The following PLAGL1 variants were observed in gnomAD, a reference collection of about 807,000 sequenced individuals.
The protein encoded by PLAGL1 is zinc finger protein PLAGL1.
PLAGL1 carries 1 observed loss-of-function variant against 4.6 expected under a neutral mutation model. The observed-to-expected ratio is 0.22, with a 90% CI of 0.08 to 1.03. PLAGL1 has a LOEUF of 1.03. Among genes scored for constraint, PLAGL1 ranks in the 50% least tolerant of loss-of-function variants. The probability of loss-of-function intolerance (pLI) is 0.58; values close to 1 mark genes in which losing one functional copy is unlikely to be tolerated. For synonymous variants in PLAGL1, 240 were observed against 237.8 expected (o/e 1.01, Z -0.08); for missense variants, 464 against 570.4 (o/e 0.81, Z 1.90).
At chr6:143,977,455 T>C (rs566925130) in intron 2 of PLAGL1, among the ~76,000 whole-genome samples, 186 of 137,234 alleles carry the variant, frequency 1.4e-3, no homozygotes, top group African/African-American at 3.7e-3. Context: ...TTTTTATTTT[T>C]TTCTTCTTCT....
rs1053715429 is a variant in PLAGL1 at position 143,959,603 on chromosome 6, G to A, written c.-325+866C>T. On this transcript the variant is annotated intron_variant, in intron 6 of 7. Coordinates refer to ENST00000674357, the MANE Select transcript of PLAGL1 (RefSeq NM_001317162.2). The surrounding 1 kb of genome is among the most constrained non-coding windows in gnomAD (Gnocchi z 5.3). ...AAACTATTTCAGTTGAGCTCATAAAGCTCTCTCATGCTATTCCAATAATTT... is the reference window on the plus strand; with the variant it reads ...AAACTATTTCAGTTGAGCTCATAAAACTCTCTCATGCTATTCCAATAATTT... 6.6e-6 allele frequency among the ~76,000 whole-genome samples: 1 copy of A among 152,186 alleles called. No individual in the cohort carries two copies. The highest frequency in any genetic ancestry group is 1.9e-4 in the East Asian group (1 of 5,208).
chr6:144,012,797 T>C (rs148933900), upstream of PLAGL1, among the ~76,000 whole-genome samples: 160 of 152,200 alleles, frequency 1.1e-3, 1 homozygote, highest in African/African-American at 3.2e-3. This position sits in a 1 kb window ranked among gnomAD's most constrained non-coding sequence, Gnocchi z 4.8. Context: ...GGAGCAGGGG[T>C]TGCAAACTCA....
rs1780574102 is a variant in PLAGL1, at chr6:143,949,552, C to T, written c.-324-1092G>A. Among the ~76,000 whole-genome samples the T allele has an allele frequency of 1.3e-5, 2 of 152,234 alleles. No homozygotes were observed. Among genetic ancestry groups the T allele is most frequent in the Admixed American group, 6.5e-5 (1 of 15,288 alleles). ...GTTTCAAATCGGCCTCTACCTGCCA[C>T]TACCTGCCAGGGTAAAGCCCTGGAT... On this transcript the variant is annotated intron_variant, in intron 6 of 7. Transcript: ENST00000674357. This position sits in a 1 kb window ranked among gnomAD's most constrained non-coding sequence, Gnocchi z 5.3.
upstream of PLAGL1, among the ~76,000 whole-genome samples, chr6:144,012,263 G>A (rs1052650725): frequency 2.0e-5 from 3 of 152,108 alleles, no homozygotes; most frequent in Non-Finnish European, 2.9e-5. This position sits in a 1 kb window ranked among gnomAD's most constrained non-coding sequence, Gnocchi z 4.8. Flanking sequence ...CACCCAAGCT[G>A]GAGTACAGTG....
chr6:144,035,012 G>A (rs1797115537), intron 1 of PLAGL1, among the ~76,000 whole-genome samples: 1 of 152,172 alleles, frequency 6.6e-6, no homozygotes, highest in African/African-American at 2.4e-5. Context: ...GTTAATGATA[G>A]AATCTAGTGG....
chr6:144,028,889 A>C (rs1390600752), intron 1 of PLAGL1, among the ~76,000 whole-genome samples: 1 of 152,232 alleles, frequency 6.6e-6, no homozygotes, highest in East Asian at 1.9e-4. Context: ...ATTTTAAATA[A>C]AATAATATCA....
In PLAGL1 at chr6:143,942,258, G is replaced by A; in HGVS notation, c.558C>T (p.Cys186=). The change falls in exon 8 of 8, where the codon TGC becomes TGT. Residue 186 remains cysteine, a synonymous_variant. Coordinates refer to ENST00000674357, the MANE Select transcript of PLAGL1 (RefSeq NM_001317162.2). The surrounding 1 kb of genome is among the most constrained non-coding windows in gnomAD (Gnocchi z 7.6). ...VVHTGCKDFL[C]QFCAQRFGRK... ...GCCCAAATCTCTGGGCACAGAACTG[G>A]CACAGGAAGTCCTTGCATCCTGTGT... 2 of 1,614,014 alleles carry A rather than the reference G, an allele frequency of 1.2e-6. No individual in the cohort carries two copies. Among genetic ancestry groups the A allele is most frequent in the Non-Finnish European group, 1.7e-6 (2 of 1,179,926 alleles).
In PLAGL1 at chr6:143,940,461, ATCT is replaced by A. The variant is rs1295043989; in HGVS notation, c.*960_*962del. On this transcript the variant is annotated 3_prime_UTR_variant, in exon 8 of 8. Transcript: ENST00000674357. Reference sequence around the variant, plus strand: ...GATTATAGTTACATTGTAAAACGTAATCTTCTTTTAATAAAAGCTAATAATGAC... The same window carrying A: ...GATTATAGTTACATTGTAAAACGTAATCTTTTAATAAAAGCTAATAATGAC... The A allele has an allele frequency of 2.6e-5, 4 of 152,242 alleles. No individual in the cohort carries two copies. The highest frequency in any genetic ancestry group is 9.6e-5 in the African/African-American group (4 of 41,470). The allele number at this position is 152,242 out of a possible 1,614,324, so 9.4% of individuals were successfully genotyped here.
rs1392463327 is a variant in PLAGL1, at chr6:143,942,269, C to T, written c.547G>A (p.Asp183Asn). ...RHLVVHTGCKDFLCQFCAQRF... is the reference protein window; with the variant it reads ...RHLVVHTGCKNFLCQFCAQRF... ...TGGGCACAGAACTGGCACAGGAAGT[C>T]CTTGCATCCTGTGTGGACCACCAGG... The change falls in exon 8 of 8, where the codon GAC (aspartate) becomes AAC (asparagine). Residue 183 changes from aspartate (D) to asparagine (N), a missense_variant. Transcript: ENST00000674357. The surrounding 1 kb of genome is among the most constrained non-coding windows in gnomAD (Gnocchi z 7.6). 1 of 1,613,972 alleles carries T rather than the reference C, an allele frequency of 6.2e-7. No homozygotes were observed.
chr6:144,030,448 T>C (rs748226713), intron 1 of PLAGL1, among the ~76,000 whole-genome samples: 3 of 152,114 alleles, frequency 2.0e-5, no homozygotes, highest in Non-Finnish European at 4.4e-5. Context: ...ACCCATCACC[T>C]GAGCAGTGTA....
In PLAGL1 at chr6:143,997,872, G is replaced by A. The variant is rs1040570520; in HGVS notation, c.-584+10218C>T. Among the ~76,000 whole-genome samples, 2 of 152,076 alleles carry A rather than the reference G, an allele frequency of 1.3e-5. No individual in the cohort carries two copies. The highest frequency in any genetic ancestry group is 4.8e-5 in the African/African-American group (2 of 41,372). ...CACAGGTGTGCGTATGTGTGTGTGTGTATAAACTCATCAAGCTATATACTT... is the reference window on the plus strand; with the variant it reads ...CACAGGTGTGCGTATGTGTGTGTGTATATAAACTCATCAAGCTATATACTT... On this transcript the variant is annotated intron_variant, in intron 1 of 7. Transcript: ENST00000674357. This position sits in a 1 kb window ranked among gnomAD's most constrained non-coding sequence, Gnocchi z 4.6.
chr6:144,004,917 T>C lies in PLAGL1; in HGVS notation c.-584+3173A>G, dbSNP rs931838633. ...TCCTGAATTAATGAAACATAAACCT[T>C]AGAGACAGGAGATTTTATTCATATA... On this transcript the variant is annotated intron_variant, in intron 1 of 7. Transcript: ENST00000674357. The surrounding 1 kb of genome is among the most constrained non-coding windows in gnomAD (Gnocchi z 4.2). 2.6e-4 allele frequency: 38 copies of C among 148,752 alleles called. No homozygotes were observed. The highest frequency in any genetic ancestry group is 8.4e-4 in the African/African-American group (34 of 40,664). The allele number at this position is 148,752 out of a possible 1,614,324, so 9.2% of individuals were successfully genotyped here.
rs1046829156 is a variant in PLAGL1 at position 143,942,962 on chromosome 6, C to T, written c.153-299G>A. Among the ~76,000 whole-genome samples, 48 of 151,642 alleles carry T rather than the reference C, an allele frequency of 3.2e-4. No homozygotes were observed. Among genetic ancestry groups the T allele is most frequent in the African/African-American group, 1.1e-3 (45 of 41,334 alleles). ...CTCACTGCAGCCTCAACGTCCTGGGCTCAAGCAATCTTCCCACCTTAGCCT... is the reference window on the plus strand; with the variant it reads ...CTCACTGCAGCCTCAACGTCCTGGGTTCAAGCAATCTTCCCACCTTAGCCT... On this transcript the variant is annotated intron_variant, in intron 7 of 7. Transcript: ENST00000674357. This position sits in a 1 kb window ranked among gnomAD's most constrained non-coding sequence, Gnocchi z 7.6.
intron 1 of PLAGL1, among the ~76,000 whole-genome samples, chr6:144,038,434 T>A (rs900870219): frequency 6.6e-6 from 1 of 152,196 alleles, no homozygotes; most frequent in Non-Finnish European, 1.5e-5. Flanking sequence ...CAAAACTTAC[T>A]ACAAAGCTAC....
In PLAGL1 at chr6:143,941,420, T is replaced by C. The variant is rs760139789; in HGVS notation, c.*4A>G. ...GAATACGAAAAATACACTTTAAAAATCAATTATCTGAATGCATGATGGAAA... is the reference window on the plus strand; with the variant it reads ...GAATACGAAAAATACACTTTAAAAACCAATTATCTGAATGCATGATGGAAA... On this transcript the variant is annotated 3_prime_UTR_variant, in exon 8 of 8. Coordinates refer to ENST00000674357, the MANE Select transcript of PLAGL1 (RefSeq NM_001317162.2). This position sits in a 1 kb window ranked among gnomAD's most constrained non-coding sequence, Gnocchi z 6.0. 20 of 1,494,608 alleles carry C rather than the reference T, an allele frequency of 1.3e-5. No individual in the cohort carries two copies. In the African/African-American group the frequency reaches 2.8e-4, roughly 21 times the overall value. The allele number at this position is 1,494,608 out of a possible 1,614,324, so 92.6% of individuals were successfully genotyped here.
intron 1 of PLAGL1, among the ~76,000 whole-genome samples, chr6:143,986,793 T>C (rs959876818): frequency 6.6e-6 from 1 of 152,178 alleles, no homozygotes; most frequent in African/African-American, 2.4e-5. Context: ...AAAAGGCGCC[T>C]GCTCAATAAG....
rs1005548041 is a variant in PLAGL1, at chr6:143,955,516, T to G, written c.-325+4953A>C. Reference sequence around the variant, plus strand: ...AGGGCGGGAAGAGAAGAGGTAGAAATAGGTAGAGAATGCCAATAAAATGCT... The same window carrying G: ...AGGGCGGGAAGAGAAGAGGTAGAAAGAGGTAGAGAATGCCAATAAAATGCT... On this transcript the variant is annotated intron_variant, in intron 6 of 7. Coordinates refer to ENST00000674357, the MANE Select transcript of PLAGL1 (RefSeq NM_001317162.2). The surrounding 1 kb of genome is among the most constrained non-coding windows in gnomAD (Gnocchi z 4.9). 1.3e-5 allele frequency among the ~76,000 whole-genome samples: 2 copies of G among 151,892 alleles called. No individual in the cohort carries two copies. The highest frequency in any genetic ancestry group is 4.8e-5 in the African/African-American group (2 of 41,294).
upstream of PLAGL1, chr6:144,008,398 G>A (rs983412090): frequency 1.3e-5 from 2 of 151,878 alleles, no homozygotes; most frequent in African/African-American, 2.4e-5. This position sits in a 1 kb window ranked among gnomAD's most constrained non-coding sequence, Gnocchi z 6.9. Context: ...GCGCGCAGGC[G>A]GGGCTCGGGA....
At chr6:143,974,323 A>C (rs1786016751) in intron 2 of PLAGL1, among the ~76,000 whole-genome samples, 1 of 151,736 alleles carries the variant, frequency 6.6e-6, no homozygotes, top group African/African-American at 2.4e-5. Flanking sequence ...AAAGGTATGA[A>C]CCCACTCGGT....
Sources: allele counts gnomAD v4.1 joint callset (sites outside exome capture counted in the v4.1 genomes callset), GRCh38; gene constraint gnomAD v4.1.1; non-coding constraint Gnocchi (gnomAD v3.1); transcripts MANE v1.5; gene names NCBI Gene and HGNC (gene_info 2026-07-23, HGNC 2026-07-21).